Variants in ANKS1B observed in about 807,000 individuals in gnomAD.
ANKS1B encodes the protein ankyrin repeat and sterile alpha motif domain-containing protein 1B.
ANKS1B carries 36 observed loss-of-function variants against 148.3 expected under a neutral mutation model. That is an observed-to-expected ratio of 0.24 (90% confidence interval 0.19 to 0.32). The LOEUF is 0.32. Among genes scored for constraint, ANKS1B ranks in the 10% least tolerant of loss-of-function variants. ANKS1B has a pLI of 1.00. For missense variants in ANKS1B, 1,157 were observed against 1,542.6 expected (o/e 0.75, Z 4.19); for synonymous variants, 542 against 560.8 (o/e 0.97, Z 0.47).
At chr12:99,825,208 A>T in intron 2 of ANKS1B, 101 bp downstream of exon 2, 1 of 982,954 alleles carries the variant, frequency 1.0e-6, no homozygotes. Context: ...ACCTAAGCCC[A>T]TTGGACTCAC....
intron 15 of ANKS1B, among the ~76,000 whole-genome samples, chr12:99,092,868 C>A (rs2054547133): frequency 6.6e-6 from 1 of 152,214 alleles, no homozygotes; most frequent in Non-Finnish European, 1.5e-5. Flanking sequence ...ATAAACCTTA[C>A]AGCACTCTTG....
intron 4 of ANKS1B, among the ~76,000 whole-genome samples, chr12:99,793,496 T>C (rs1049733336): frequency 6.6e-6 from 1 of 150,622 alleles, no homozygotes. Context: ...TGGAACAAAA[T>C]AGAAAACCTA....
At chr12:98,748,878 G>T (rs1030973024) in intron 26 of ANKS1B, among the ~76,000 whole-genome samples, 11 of 152,158 alleles carry the variant, frequency 7.2e-5, no homozygotes, top group Admixed American at 2.6e-4. Context: ...GCTGTGAACA[G>T]ATTTATTCAG....
chr12:98,820,749 T>C (rs765672721), intron 19 of ANKS1B, among the ~76,000 whole-genome samples: 2 of 152,238 alleles, frequency 1.3e-5, no homozygotes, highest in Non-Finnish European at 2.9e-5. Flanking sequence ...AGAGCACCAG[T>C]GTTAACTAGG....
At chr12:99,865,229 A>C (rs1161063247) in intron 1 of ANKS1B, among the ~76,000 whole-genome samples, 1 of 152,218 alleles carries the variant, frequency 6.6e-6, no homozygotes, top group East Asian at 1.9e-4. Context: ...TGCTTACTTC[A>C]ACGGGAAAAG....
At chr12:99,629,666 A>G (rs570806888) in intron 9 of ANKS1B, among the ~76,000 whole-genome samples, 1 of 152,294 alleles carries the variant, frequency 6.6e-6, no homozygotes, top group Admixed American at 6.5e-5. Flanking sequence ...ACTTTATAGA[A>G]GATGCTTTCA....
At chr12:99,250,664 G>A (rs1020320460) in intron 12 of ANKS1B, among the ~76,000 whole-genome samples, 1 of 151,978 alleles carries the variant, frequency 6.6e-6, no homozygotes, top group Non-Finnish European at 1.5e-5. Flanking sequence ...AATATTAATG[G>A]CCATTAAGTT....
At chr12:99,908,359 C>A (rs1012141385) in intron 1 of ANKS1B, among the ~76,000 whole-genome samples, 1 of 151,978 alleles carries the variant, frequency 6.6e-6, no homozygotes, top group African/African-American at 2.4e-5. Context: ...GCTGGCAGAT[C>A]GCTTGAGCTC....
chr12:99,055,194 C>T lies in ANKS1B; in HGVS notation c.2626-1885G>A, dbSNP rs549598273. Reference sequence around the variant, plus strand: ...GGGGCTGGGTACATTCTCCAGGCCTCGTTAAAAGGTGGTTGAACTAACTCT... The same window carrying T: ...GGGGCTGGGTACATTCTCCAGGCCTTGTTAAAAGGTGGTTGAACTAACTCT... On this transcript the variant is annotated intron_variant, in intron 16 of 26. Coordinates refer to ENST00000683438, the MANE Select transcript of ANKS1B (RefSeq NM_001352186.2). Among the ~76,000 whole-genome samples, 197 of 151,964 alleles carry T rather than the reference C, an allele frequency of 1.3e-3. 1 individual carries two copies. The highest frequency in any genetic ancestry group is 4.5e-3 in the African/African-American group (188 of 41,542).
At chr12:99,657,120 A>C (rs1176159880) in intron 8 of ANKS1B, among the ~76,000 whole-genome samples, 1 of 152,184 alleles carries the variant, frequency 6.6e-6, no homozygotes, top group Admixed American at 6.6e-5. Flanking sequence ...GACTTGGAGT[A>C]TCACTGGCCT....
chr12:98,749,199 A>C (rs575291419), intron 26 of ANKS1B, among the ~76,000 whole-genome samples: 10 of 152,026 alleles, frequency 6.6e-5, no homozygotes, highest in African/African-American at 2.2e-4. Flanking sequence ...CCCGGGTGCA[A>C]GCCATTCTCC....
chr12:99,168,886 G>A (rs551884294), intron 14 of ANKS1B, among the ~76,000 whole-genome samples: 44 of 152,272 alleles, frequency 2.9e-4, no homozygotes, highest in Middle Eastern at 3.4e-3. Context: ...TCAGGACACT[G>A]TCTGAAAACT....
intron 1 of ANKS1B, among the ~76,000 whole-genome samples, chr12:99,833,782 A>G (rs1197166746): frequency 6.6e-6 from 1 of 152,208 alleles, no homozygotes; most frequent in African/African-American, 2.4e-5. Context: ...TATAACTAAA[A>G]TAAGATTCAG....
At chr12:99,271,662 CTA>C (rs59207203) in intron 12 of ANKS1B, among the ~76,000 whole-genome samples, 7,937 of 94,032 alleles carry the variant, frequency 0.084, 471 homozygotes, top group Middle Eastern at 0.13. Flanking sequence ...AGTCAATAAA[CTA>C]TATATATATA....
chr12:99,098,218 T>C (rs1468236871), intron 15 of ANKS1B, among the ~76,000 whole-genome samples: 1 of 152,210 alleles, frequency 6.6e-6, no homozygotes, highest in Non-Finnish European at 1.5e-5. Flanking sequence ...CAGAGCTGCT[T>C]TGGAAATGAA....
chr12:98,979,901 A>G (rs894702291), intron 17 of ANKS1B, among the ~76,000 whole-genome samples: 26 of 152,108 alleles, frequency 1.7e-4, no homozygotes, highest in African/African-American at 6.0e-4. Flanking sequence ...TATACATGTT[A>G]GACTGCTTGA....
At chr12:99,612,907 A>G (rs1317006392) in intron 9 of ANKS1B, among the ~76,000 whole-genome samples, 2 of 152,122 alleles carry the variant, frequency 1.3e-5, no homozygotes, top group Non-Finnish European at 2.9e-5. Flanking sequence ...AGCTCACCCA[A>G]TGAGGGAGCT....
At chr12:99,068,703 CAGAGAGAG>C (rs10554812) in intron 16 of ANKS1B, among the ~76,000 whole-genome samples, 4 of 144,548 alleles carry the variant, frequency 2.8e-5, no homozygotes, top group Admixed American at 6.9e-5. Context: ...GGGTGGGGGG[CAGAGAGAG>C]AGAGAGAGAG....
intron 1 of ANKS1B, among the ~76,000 whole-genome samples, chr12:99,851,348 C>A (rs909966594): frequency 3.9e-5 from 6 of 152,014 alleles, no homozygotes; most frequent in Middle Eastern, 3.2e-3. Flanking sequence ...TTCAACTCTT[C>A]CTAATTAAGT....
Sources: gnomAD v4.1 joint callset for allele counts (sites outside exome capture counted in the v4.1 genomes callset) on GRCh38, gnomAD v4.1.1 for gene constraint, MANE v1.5 for transcripts, NCBI Gene and HGNC (gene_info 2026-07-23, HGNC 2026-07-21) for gene names.